The following GABRB3 variants were observed in gnomAD, a reference collection of about 807,000 sequenced individuals.
The protein encoded by GABRB3 is gamma-aminobutyric acid type A receptor subunit beta3, also known as gamma-aminobutyric acid receptor subunit beta-3.
In GABRB3, 14 loss-of-function variants were observed where a neutral mutation model predicts 52.1. That is an observed-to-expected ratio of 0.27 (90% CI 0.18 to 0.42). The LOEUF (loss-of-function observed/expected upper bound fraction) is 0.42, where lower values mean the gene tolerates loss of function less well. Ranked by LOEUF, GABRB3 falls within the 10% of genes least tolerant of loss-of-function variation. The pLI is 1.00. For missense variants in GABRB3, 307 were observed against 609.1 expected (o/e 0.50, Z 5.22); for synonymous variants, 260 against 232.3 (o/e 1.12, Z -1.08).
At chr15:26,622,437 C>T (rs1892520005) in intron 3 of GABRB3, among the ~76,000 whole-genome samples, 1 of 152,176 alleles carries the variant, frequency 6.6e-6, no homozygotes, top group Non-Finnish European at 1.5e-5. Flanking sequence ...GTGATATTCA[C>T]AGGACATTTT....
Position 26,545,355 on chromosome 15 carries a change from A to G in GABRB3, c.*2438T>C, listed in dbSNP as rs1889194867. ...TATTATGACTATACCATGCAAATTT[A>G]TATCCAGAAAACCTTGGGAAGGAGA... On this transcript the variant is annotated 3_prime_UTR_variant, in exon 9 of 9. Transcript: ENST00000311550. The G allele has an allele frequency of 6.6e-6, 1 of 152,596 alleles. No homozygotes were observed. Among genetic ancestry groups the G allele is most frequent in the African/African-American group, 2.4e-5 (1 of 41,442 alleles). 9.5% of individuals were successfully genotyped at this position (152,596 alleles called of 1,614,324 possible).
At chr15:26,575,515 T>C (rs975491807) in intron 6 of GABRB3, among the ~76,000 whole-genome samples, 6 of 152,220 alleles carry the variant, frequency 3.9e-5, no homozygotes, top group African/African-American at 1.4e-4. Flanking sequence ...CTATCTTTTC[T>C]ATACCTCTAG....
chr15:26,547,970 G>C lies in GABRB3; in HGVS notation c.1245C>G (p.Phe415Leu). The change falls in exon 9 of 9, where the codon TTC (phenylalanine) becomes TTG (leucine). Residue 415 changes from phenylalanine to leucine, a missense_variant. By Grantham distance (22) the Phe-to-Leu change is conservative. Transcript: ENST00000311550. ...TGTGCGGGAGGCTTCTGTCCCCCAG[G>C]AATCGCCCATGCCCTTCTCGAGGCA... ...QSMPREGHGR[F>L]LGDRSLPHKK... The C allele has an allele frequency of 6.2e-7, 1 of 1,614,180 alleles. No homozygotes were observed. Among genetic ancestry groups the C allele is most frequent in the Non-Finnish European group, 8.5e-7 (1 of 1,180,034 alleles).
At chr15:26,620,348 C>T (rs1015272252) in intron 4 of GABRB3, among the ~76,000 whole-genome samples, 2 of 152,158 alleles carry the variant, frequency 1.3e-5, no homozygotes, top group East Asian at 1.9e-4. Flanking sequence ...TCACTCTACC[C>T]GTCTTGAGGC....
At chr15:26,629,116 T>C in intron 3 of GABRB3, 1 of 1,530,354 alleles carries the variant, frequency 6.5e-7, no homozygotes, top group African/African-American at 1.4e-5. Context: ...TCTCTGCTCT[T>C]TACAGGAGAG....
At position 26,615,509 on chromosome 15, in the gene GABRB3, C is replaced by T. The variant is rs553015506; in HGVS notation, c.461+5805G>A. 8.8e-5 allele frequency: 81 copies of T among 915,816 alleles called. No homozygotes were observed. In the African/African-American group the frequency reaches 1.3e-3, roughly 15 times the overall value. The allele number at this position is 915,816 out of a possible 1,614,324, so 56.7% of individuals were successfully genotyped here. On this transcript the variant is annotated intron_variant, in intron 4 of 8. Coordinates refer to ENST00000311550, the MANE Select transcript of GABRB3 (RefSeq NM_000814.6). ...GGGAAAAATGGCTCATGATTTAAAA[C>T]AACCTTTTATCACTACAAGAATGTG...
intron 3 of GABRB3, among the ~76,000 whole-genome samples, chr15:26,742,947 T>TTTTTCTG (rs771203717): frequency 9.6e-6 from 1 of 104,168 alleles, no homozygotes; most frequent in East Asian, 3.0e-4. Context: ...TTTTTTTTTT[T>TTTTTCTG]GAGACAGAGT....
intron 3 of GABRB3, among the ~76,000 whole-genome samples, chr15:26,686,442 A>C (rs1888408503): frequency 6.6e-6 from 1 of 152,228 alleles, no homozygotes; most frequent in South Asian, 2.1e-4. Flanking sequence ...ACTGATAAAT[A>C]ACTAAGTGAT....
intron 8 of GABRB3, among the ~76,000 whole-genome samples, chr15:26,559,979 T>A (rs1393690054): frequency 6.6e-6 from 1 of 152,226 alleles, no homozygotes; most frequent in Non-Finnish European, 1.5e-5. Flanking sequence ...CAAAAGATGG[T>A]GTGCCTGCTC....
At chr15:26,752,380 C>T (rs1890536250) in intron 3 of GABRB3, among the ~76,000 whole-genome samples, 1 of 151,914 alleles carries the variant, frequency 6.6e-6, no homozygotes, top group African/African-American at 2.4e-5. Flanking sequence ...TCTCCTGCCT[C>T]AGCCTCCCGA....
chr15:26,700,691 GA>G (rs201717939), intron 3 of GABRB3, among the ~76,000 whole-genome samples: 2 of 151,944 alleles, frequency 1.3e-5, no homozygotes, highest in East Asian at 1.9e-4. Context: ...AACATACTAA[GA>G]AAAAAAATTG....
At chr15:26,754,123 G>A (rs1200986886) in intron 3 of GABRB3, among the ~76,000 whole-genome samples, 1 of 152,222 alleles carries the variant, frequency 6.6e-6, no homozygotes, top group African/African-American at 2.4e-5. Flanking sequence ...AAAGGAGATA[G>A]AGGGACTTGA....
chr15:26,649,823 T>C (rs1485338398), intron 3 of GABRB3, among the ~76,000 whole-genome samples: 2 of 152,142 alleles, frequency 1.3e-5, no homozygotes, highest in Admixed American at 6.5e-5. Context: ...TATGGAATCA[T>C]AGCTGTCTCT....
chr15:26,744,858 C>T lies in GABRB3; in HGVS notation c.240+27544G>A, dbSNP rs574653566. Among the ~76,000 whole-genome samples the T allele has an allele frequency of 7.2e-5, 11 of 152,138 alleles. No homozygotes were observed. The South Asian group carries it at 1.2e-3, about 17-fold the overall frequency. The stretch of plus-strand genomic sequence containing the variant: ...TGACATTTATTTATATAAGTGTATA[C>T]GTGTGTGTGTTTGTGTATTAAACCA... On this transcript the variant is annotated intron_variant, in intron 3 of 8. Coordinates refer to ENST00000311550, the MANE Select transcript of GABRB3 (RefSeq NM_000814.6).
intron 3 of GABRB3, among the ~76,000 whole-genome samples, chr15:26,685,816 T>C (rs1888385702): frequency 7.5e-6 from 1 of 133,482 alleles, no homozygotes; most frequent in Non-Finnish European, 1.7e-5. Flanking sequence ...TTTTTTTTTT[T>C]GCCCTAGAGA....
chr15:26,745,458 T>G (rs146017374), intron 3 of GABRB3, among the ~76,000 whole-genome samples: 274 of 152,298 alleles, frequency 1.8e-3, no homozygotes, highest in African/African-American at 6.2e-3. Context: ...CATTCAGATT[T>G]CACCAGGATT....
At chr15:26,679,828 C>T (rs2140645561) in intron 3 of GABRB3, among the ~76,000 whole-genome samples, 1 of 152,298 alleles carries the variant, frequency 6.6e-6, no homozygotes, top group South Asian at 2.1e-4. Flanking sequence ...AATCTAACTC[C>T]TCACTCTCTA....
At chr15:26,637,947 G>A (rs1057220636) in intron 3 of GABRB3, among the ~76,000 whole-genome samples, 2 of 152,052 alleles carry the variant, frequency 1.3e-5, no homozygotes, top group African/African-American at 4.8e-5. Context: ...TGGTTACCAA[G>A]GGCAAAAGAC....
chr15:26,717,185 C>T (rs1411785710), intron 3 of GABRB3, among the ~76,000 whole-genome samples: 1 of 149,444 alleles, frequency 6.7e-6, no homozygotes, highest in Non-Finnish European at 1.5e-5. Context: ...GGACCTCCAC[C>T]CTATGACAGC....
Sources: allele counts gnomAD v4.1 joint callset (sites outside exome capture counted in the v4.1 genomes callset), GRCh38; gene constraint gnomAD v4.1.1; transcripts MANE v1.5; gene names NCBI Gene and HGNC (gene_info 2026-07-23, HGNC 2026-07-21).